Variants in AGO3 observed in about 807,000 individuals in gnomAD.
The protein encoded by AGO3 is argonaute RISC catalytic component 3.
In AGO3, 16 loss-of-function variants were observed where a neutral mutation model predicts 105.5. The observed-to-expected ratio is 0.15, with a 90% confidence interval of 0.10 to 0.23. The LOEUF (loss-of-function observed/expected upper bound fraction) is 0.23, where lower values mean the gene tolerates loss of function less well. Ranked by LOEUF, AGO3 falls within the 10% of genes least tolerant of loss-of-function variation. The probability of loss-of-function intolerance (pLI) is 1.00; values close to 1 mark genes in which losing one functional copy is unlikely to be tolerated. For synonymous variants in AGO3, 340 were observed against 367.3 expected, an observed-to-expected ratio of 0.93 and a Z score of 0.85; for missense variants, 534 against 1,088.0, an observed-to-expected ratio of 0.49 and a Z score of 7.16.
chr1:35,945,666 C>CT (rs200388327), intron 1 of AGO3, 26 bp from the exon 2 acceptor site: 318 of 1,580,138 alleles, frequency 2.0e-4, no homozygotes, highest in East Asian at 1.3e-3. Flanking sequence ...AACTGTGACT[C>CT]TTTTTTTTTC....
chr1:36,021,583 G>T (rs1041942098), intron 11 of AGO3, among the ~76,000 whole-genome samples: 3 of 151,712 alleles, frequency 2.0e-5, no homozygotes, highest in African/African-American at 7.3e-5. Flanking sequence ...TATCTCTTTT[G>T]ACTGTTGTAG....
chr1:36,044,414 T>C (rs1165778947), intron 17 of AGO3, among the ~76,000 whole-genome samples: 4 of 151,830 alleles, frequency 2.6e-5, no homozygotes, highest in African/African-American at 9.7e-5. Flanking sequence ...GTTGTTGTTT[T>C]GTTTTGTTTG....
chr1:35,931,442 G>A lies in AGO3; in HGVS notation c.16G>A (p.Ala6Thr). 1.3e-6 allele frequency: 2 copies of A among 1,517,152 alleles called. No individual in the cohort carries two copies. The highest frequency in any genetic ancestry group is 8.8e-7 in the Non-Finnish European group (1 of 1,131,726). 94.0% of individuals were successfully genotyped at this position (1,517,152 alleles called of 1,614,324 possible). A position where few individuals can be genotyped will look rare whatever the true frequency, so the allele number is the denominator to read the frequency against. The change falls in exon 1 of 19, where the codon GCA becomes ACA. Residue 6 changes from alanine (A) to threonine (T), a missense_variant. By Grantham distance (58) the Ala-to-Thr change is moderately conservative. Transcript: ENST00000373191. ...AGCTCCATGAATGGAAATCGGCTCC[G>A]CAGGTGAGTCAGAGTAGCTGGGCCA... MEIGS[A>T]GPAGAQPLLM...
In AGO3 at chr1:36,056,273, A is replaced by G. The variant is rs1191583816; in HGVS notation, c.*528A>G. ...CTAGATCTGGATTGATAATAGATAT[A>G]TATGTGTCTGTTATATATTTTAGAG... On this transcript the variant is annotated 3_prime_UTR_variant, in exon 19 of 19. Transcript: ENST00000373191. 1 of 152,486 alleles carries G rather than the reference A, an allele frequency of 6.6e-6. No individual in the cohort carries two copies. Among genetic ancestry groups the G allele is most frequent in the Non-Finnish European group, 1.5e-5 (1 of 68,092 alleles). 9.4% of individuals were successfully genotyped at this position (152,486 alleles called of 1,614,324 possible). A position where few individuals can be genotyped will look rare whatever the true frequency, so the allele number is the denominator to read the frequency against.
intron 17 of AGO3, among the ~76,000 whole-genome samples, chr1:36,050,331 C>T (rs1642655458): frequency 6.6e-6 from 1 of 151,892 alleles, no homozygotes; most frequent in South Asian, 2.1e-4. Flanking sequence ...ACTAAAAATA[C>T]AAAAATTAGC....
chr1:35,958,329 C>G (rs190143056), intron 2 of AGO3, among the ~76,000 whole-genome samples: 1 of 150,626 alleles, frequency 6.6e-6, no homozygotes. Flanking sequence ...TGCAGTGAGC[C>G]GAGATCACAC....
rs1029563694 is a variant in AGO3, at chr1:36,058,232, T to G, written c.*2487T>G. Reference sequence around the variant, plus strand: ...ACCAGTATAACTTTCCTTTTAAAATTAAGGTGATAGTAACAAAGGAAGTTA... The same window carrying G: ...ACCAGTATAACTTTCCTTTTAAAATGAAGGTGATAGTAACAAAGGAAGTTA... On this transcript the variant is annotated 3_prime_UTR_variant, in exon 19 of 19. Coordinates refer to ENST00000373191, the MANE Select transcript of AGO3 (RefSeq NM_024852.4). 1 of 152,194 alleles carries G rather than the reference T, an allele frequency of 6.6e-6. No homozygotes were observed. Among genetic ancestry groups the G allele is most frequent in the Middle Eastern group, 3.2e-3 (1 of 316 alleles). 9.4% of individuals were successfully genotyped at this position (152,194 alleles called of 1,614,324 possible).
chr1:35,997,946 C>T (rs1050703648), intron 5 of AGO3, among the ~76,000 whole-genome samples: 9 of 152,158 alleles, frequency 5.9e-5, no homozygotes, highest in African/African-American at 2.2e-4. Flanking sequence ...ATCCACCCGC[C>T]TTGGCCTCCC....
At chr1:35,937,869 T>G (rs1326735174) in intron 1 of AGO3, among the ~76,000 whole-genome samples, 1 of 152,198 alleles carries the variant, frequency 6.6e-6, no homozygotes, top group East Asian at 1.9e-4. Context: ...AGTTCCATGC[T>G]GTTTACTACG....
In AGO3 at chr1:35,958,322, A is replaced by G. The variant is rs559192191; in HGVS notation, c.192-8633A>G. Among the ~76,000 whole-genome samples the G allele has an allele frequency of 4.0e-5, 6 of 151,752 alleles. No individual in the cohort carries two copies. In the East Asian group the frequency reaches 9.7e-4, roughly 25 times the overall value. ...CTTGAACCCAGGAGGTGGAGGTTGC[A>G]GTGAGCCGAGATCACACCACTGCAC... On this transcript the variant is annotated intron_variant, in intron 2 of 18. Coordinates refer to ENST00000373191, the MANE Select transcript of AGO3 (RefSeq NM_024852.4).
chr1:35,935,713 G>A (rs1646135317), intron 1 of AGO3, among the ~76,000 whole-genome samples: 1 of 152,200 alleles, frequency 6.6e-6, no homozygotes, highest in Admixed American at 6.5e-5. Flanking sequence ...TAAGCTGATG[G>A]ATTCTAGTTG....
intron 5 of AGO3, among the ~76,000 whole-genome samples, chr1:35,995,085 C>T (rs1052385818): frequency 5.3e-5 from 8 of 151,218 alleles, no homozygotes; most frequent in South Asian, 2.1e-4. Flanking sequence ...CCTGTGGTCC[C>T]GGCTACTCGG....
chr1:35,994,979 G>T (rs1037329513), intron 5 of AGO3, among the ~76,000 whole-genome samples: 9 of 151,728 alleles, frequency 5.9e-5, no homozygotes, highest in African/African-American at 2.2e-4. Context: ...TGGGTGGATT[G>T]CCTGAGCTCA....
chr1:35,994,933 T>C (rs1014627104), intron 5 of AGO3, among the ~76,000 whole-genome samples: 8 of 151,898 alleles, frequency 5.3e-5, no homozygotes, highest in African/African-American at 1.9e-4. Flanking sequence ...CTCAATACAA[T>C]AGAAATCCCA....
chr1:36,039,199 T>A (rs544743086), intron 14 of AGO3, among the ~76,000 whole-genome samples: 2 of 152,268 alleles, frequency 1.3e-5, no homozygotes, highest in East Asian at 1.9e-4. Context: ...TTTAATTTTT[T>A]AAAAAGATGG....
intron 9 of AGO3, among the ~76,000 whole-genome samples, chr1:36,010,904 CAAA>C (rs759368411): frequency 9.1e-5 from 3 of 33,070 alleles, no homozygotes; most frequent in East Asian, 9.8e-4. Context: ...GAAACTCTGT[CAAA>C]AAAAAAAAAA....
chr1:36,005,211 A>C (rs941108453), intron 6 of AGO3, among the ~76,000 whole-genome samples: 1 of 152,190 alleles, frequency 6.6e-6, no homozygotes, highest in African/African-American at 2.4e-5. Flanking sequence ...GCCAGAAATA[A>C]TTATGTTGTT....
At chr1:36,029,510 T>C (rs763628766) in intron 12 of AGO3, among the ~76,000 whole-genome samples, 13 of 149,484 alleles carry the variant, frequency 8.7e-5, no homozygotes, top group Non-Finnish European at 1.6e-4. Context: ...TTCTCCTGCC[T>C]CAGCCTCCTG....
chr1:35,979,583 G>A (rs1647013832), intron 5 of AGO3, among the ~76,000 whole-genome samples: 2 of 151,944 alleles, frequency 1.3e-5, no homozygotes, highest in South Asian at 4.2e-4. Context: ...TCTCAGACTA[G>A]GATAAATAAA....
Sources: gnomAD v4.1 joint callset for allele counts (sites outside exome capture counted in the v4.1 genomes callset) on GRCh38, gnomAD v4.1.1 for gene constraint, MANE v1.5 for transcripts, NCBI Gene and HGNC (gene_info 2026-07-23, HGNC 2026-07-21) for gene names.